Variants in FOXP1 observed in about 807,000 individuals in gnomAD.
FOXP1 encodes forkhead box protein P1.
FOXP1 carries 15 observed loss-of-function variants against 98.2 expected under a neutral mutation model. The ratio of observed to expected loss-of-function variants is 0.15; its 90% CI spans 0.10 to 0.24. FOXP1 has a LOEUF of 0.24. Ranked by LOEUF, FOXP1 falls within the 10% of genes least tolerant of loss-of-function variation. The probability of loss-of-function intolerance (pLI) is 1.00; values close to 1 mark genes in which losing one functional copy is unlikely to be tolerated. For missense variants in FOXP1, 633 were observed against 848.5 expected, an observed-to-expected ratio of 0.75 and a Z score of 3.15; for synonymous variants, 371 against 314.5, an observed-to-expected ratio of 1.18 and a Z score of -1.90.
At chr3:71,238,094 A>G (rs2066948901) in intron 5 of FOXP1, among the ~76,000 whole-genome samples, 1 of 152,264 alleles carries the variant, frequency 6.6e-6, no homozygotes, top group African/African-American at 2.4e-5. Context: ...TGAAATTAAT[A>G]AATCAATTAA....
chr3:70,986,934 A>G (rs768226822), intron 14 of FOXP1, among the ~76,000 whole-genome samples: 17 of 152,216 alleles, frequency 1.1e-4, no homozygotes, highest in Non-Finnish European at 2.1e-4. Flanking sequence ...TATTTCTATC[A>G]CCATAAATCA....
intron 5 of FOXP1, among the ~76,000 whole-genome samples, chr3:71,223,672 T>G: frequency 7.6e-6 from 1 of 132,256 alleles, no homozygotes; most frequent in Non-Finnish European, 1.5e-5. Context: ...TCCGGCCTGG[T>G]GACAGAGCGA....
chr3:71,516,787 A>G (rs981677260), intron 2 of FOXP1, among the ~76,000 whole-genome samples: 1 of 152,196 alleles, frequency 6.6e-6, no homozygotes, highest in African/African-American at 2.4e-5. Context: ...CAGAGGTTGC[A>G]GTGAGCTGAG....
intron 5 of FOXP1, among the ~76,000 whole-genome samples, chr3:71,201,217 A>C (rs907180819): frequency 2.6e-5 from 4 of 152,238 alleles, no homozygotes; most frequent in Admixed American, 2.6e-4. Flanking sequence ...AAGATATAAG[A>C]ATCAGGTAAC....
At chr3:71,544,520 T>C (rs1178069512) in intron 2 of FOXP1, among the ~76,000 whole-genome samples, 1 of 152,192 alleles carries the variant, frequency 6.6e-6, no homozygotes, top group Non-Finnish European at 1.5e-5. Context: ...ACATTTGCAG[T>C]GACACCAATG....
chr3:71,375,886 T>C (rs1244318080), intron 3 of FOXP1, among the ~76,000 whole-genome samples: 1 of 152,162 alleles, frequency 6.6e-6, no homozygotes, highest in African/African-American at 2.4e-5. Flanking sequence ...ACCTTTAAAA[T>C]GAGTATTTTT....
chr3:71,120,945 T>C (rs575465199), intron 6 of FOXP1, among the ~76,000 whole-genome samples: 2 of 152,150 alleles, frequency 1.3e-5, no homozygotes, highest in Non-Finnish European at 2.9e-5. Flanking sequence ...CAAAGGTAGG[T>C]TTGGGAGTTG....
At chr3:71,179,010 T>TA (rs202156226) in intron 6 of FOXP1, among the ~76,000 whole-genome samples, 60,455 of 128,576 alleles carry the variant, frequency 0.47, 14,007 homozygotes, top group Middle Eastern at 0.6. Context: ...GCACTCTGTC[T>TA]AAAAAAAAAA....
At chr3:71,534,583 CT>C (rs2044139944) in intron 2 of FOXP1, among the ~76,000 whole-genome samples, 1 of 152,198 alleles carries the variant, frequency 6.6e-6, no homozygotes, top group Non-Finnish European at 1.5e-5. Flanking sequence ...AGTAATTAAA[CT>C]TTAGTGTGGA....
intron 3 of FOXP1, among the ~76,000 whole-genome samples, chr3:71,376,545 C>T (rs1677954950): frequency 6.6e-6 from 1 of 152,176 alleles, no homozygotes; most frequent in African/African-American, 2.4e-5. Flanking sequence ...CTGGCTTATT[C>T]ATTTAGTAGA....
At chr3:71,521,307 G>A (rs992855464) in intron 2 of FOXP1, among the ~76,000 whole-genome samples, 3 of 152,150 alleles carry the variant, frequency 2.0e-5, no homozygotes, top group Admixed American at 6.5e-5. Context: ...CGAGTGAATC[G>A]CCTGAGGTCA....
chr3:71,168,508 A>G (rs2061493359), intron 6 of FOXP1, among the ~76,000 whole-genome samples: 1 of 152,228 alleles, frequency 6.6e-6, no homozygotes, highest in Non-Finnish European at 1.5e-5. Context: ...CAAAACACCC[A>G]CTCTAAGTGA....
At chr3:71,092,637 C>T (rs2055999654) in intron 7 of FOXP1, among the ~76,000 whole-genome samples, 1 of 151,724 alleles carries the variant, frequency 6.6e-6, no homozygotes, top group African/African-American at 2.4e-5. Context: ...TTCTTATTTC[C>T]ATCTTAAGCC....
At chr3:71,082,518 T>A (rs1457202052) in intron 7 of FOXP1, among the ~76,000 whole-genome samples, 1 of 151,678 alleles carries the variant, frequency 6.6e-6, no homozygotes, top group Non-Finnish European at 1.5e-5. Context: ...GAGAAATACC[T>A]AATGTAGATG....
intron 5 of FOXP1, among the ~76,000 whole-genome samples, chr3:71,218,538 G>T (rs2065114570): frequency 6.6e-6 from 1 of 151,962 alleles, no homozygotes; most frequent in East Asian, 1.9e-4. Flanking sequence ...CTAAAGTTAA[G>T]GCCTCAGTGC....
intron 4 of FOXP1, among the ~76,000 whole-genome samples, chr3:71,356,855 G>A (rs1177602026): frequency 2.6e-5 from 4 of 152,232 alleles, no homozygotes; most frequent in Non-Finnish European, 5.9e-5. Flanking sequence ...GGCCAGTATA[G>A]GCAGAGAATA....
chr3:71,159,098 C>T (rs1297001343), intron 6 of FOXP1, among the ~76,000 whole-genome samples: 6 of 112,330 alleles, frequency 5.3e-5, no homozygotes, highest in Non-Finnish European at 9.2e-5. Flanking sequence ...GGGCGGAACC[C>T]TATCTCAAAA....
At chr3:71,418,955 C>T (rs934721079) in intron 3 of FOXP1, among the ~76,000 whole-genome samples, 6 of 146,146 alleles carry the variant, frequency 4.1e-5, no homozygotes, top group African/African-American at 7.5e-5. Context: ...AAAAAAAAGC[C>T]GGGTGCAGTG....
chr3:70,965,310 G>A (rs1191490694), intron 20 of FOXP1, among the ~76,000 whole-genome samples: 4 of 152,166 alleles, frequency 2.6e-5, no homozygotes, highest in Non-Finnish European at 5.9e-5. Context: ...GGCAGCCATC[G>A]CCCATCACTT....
Sources: gnomAD v4.1 joint callset for allele counts (sites outside exome capture counted in the v4.1 genomes callset) on GRCh38, gnomAD v4.1.1 for gene constraint, MANE v1.5 for transcripts, NCBI Gene and HGNC (gene_info 2026-07-23, HGNC 2026-07-21) for gene names.